Variants in SYNPO2 observed in about 807,000 individuals in gnomAD.
The protein encoded by SYNPO2 is synaptopodin 2.
A neutral mutation model predicts 85.0 loss-of-function variants in SYNPO2; 56 were observed. The ratio of observed to expected loss-of-function variants is 0.66; its 90% confidence interval spans 0.53 to 0.82. The LOEUF (loss-of-function observed/expected upper bound fraction) is 0.82. Ranked by LOEUF, SYNPO2 falls within the 40% of genes least tolerant of loss-of-function variation. The probability of loss-of-function intolerance (pLI) is 0.00; values close to 1 mark genes in which losing one functional copy is unlikely to be tolerated. For missense variants in SYNPO2, 1,575 were observed against 1,534.2 expected (o/e 1.03, Z -0.44); for synonymous variants, 602 against 591.1 (o/e 1.02, Z -0.27).
intron 1 of SYNPO2, among the ~76,000 whole-genome samples, chr4:119,008,521 GAT>G (rs1307643924): frequency 6.6e-6 from 1 of 151,396 alleles, no homozygotes; most frequent in Non-Finnish European, 1.5e-5. Flanking sequence ...CAGAAATTAT[GAT>G]ATGTTATTAT....
At position 119,057,894 on chromosome 4, in the gene SYNPO2, A is replaced by G. The variant is rs1394720498; in HGVS notation, c.3746A>G (p.Asn1249Ser). Residue 1249 changes from asparagine (N) to serine (S), a missense_variant, in exon 5 of 5, where the codon AAC (asparagine) becomes AGC (serine). Asn to Ser is a conservative substitution (Grantham distance 46). Around this residue, in one of 3 missense-constraint regions of SYNPO2, gnomAD observed 1,508 missense variants for 1,446.8 expected, o/e 1.04. Coordinates refer to ENST00000307142, the MANE Select transcript of SYNPO2 (RefSeq NM_133477.3). ...SDYCLPVADY[N>S]YNPHPRGWRR... The stretch of plus-strand genomic sequence containing the variant: ...TACTGTCTTCCAGTAGCTGATTACA[A>G]CTACAACCCACACCCAAGGGGATGG... 3 of 1,614,092 alleles carry G rather than the reference A, an allele frequency of 1.9e-6. No homozygotes were observed. The highest frequency in any genetic ancestry group is 4.5e-5 in the East Asian group (2 of 44,854).
At chr4:118,954,582 G>A (rs1734807301) in intron 1 of SYNPO2, among the ~76,000 whole-genome samples, 1 of 152,170 alleles carries the variant, frequency 6.6e-6, no homozygotes, top group African/African-American at 2.4e-5. Context: ...ATAAAACTGA[G>A]CCACAGGGGG....
In SYNPO2 at chr4:119,061,036, TTTG is replaced by T. The variant is rs1739396649; in HGVS notation, c.*3105_*3107del. 1 of 152,082 alleles carries T rather than the reference TTTG, an allele frequency of 6.6e-6. No individual in the cohort carries two copies. The highest frequency in any genetic ancestry group is 1.5e-5 in the Non-Finnish European group (1 of 67,998). The allele number at this position is 152,082 out of a possible 1,614,324, so 9.4% of individuals were successfully genotyped here. A position where few individuals can be genotyped will look rare whatever the true frequency, so the allele number is the denominator to read the frequency against. The stretch of plus-strand genomic sequence containing the variant: ...CAACTAGAGAGAAATTCCAGAAATA[TTTG>T]TTTTTTTAAGAGAAAGTAAATTTTC... On this transcript the variant is annotated 3_prime_UTR_variant, in exon 5 of 5. Coordinates refer to ENST00000307142, the MANE Select transcript of SYNPO2 (RefSeq NM_133477.3).
chr4:118,863,487 A>C (rs1731647876), intron 1 of SYNPO2, among the ~76,000 whole-genome samples: 1 of 152,134 alleles, frequency 6.6e-6, no homozygotes, highest in Admixed American at 6.5e-5. Context: ...GAATTTCTGC[A>C]GTATCATTTG....
chr4:118,972,946 A>T (rs1414974578), intron 1 of SYNPO2, among the ~76,000 whole-genome samples: 2 of 152,166 alleles, frequency 1.3e-5, no homozygotes, highest in African/African-American at 2.4e-5. Flanking sequence ...TTTTCTCCCC[A>T]TTCACACCAC....
chr4:119,029,711 C>G (rs183022898), intron 3 of SYNPO2, 134 bp from the exon 4 acceptor site: 25 of 828,088 alleles, frequency 3.0e-5, no homozygotes, highest in Non-Finnish European at 4.5e-5. Flanking sequence ...GTGTTGGATT[C>G]CTTCAAAATT....
Position 119,057,621 on chromosome 4 carries a change from C to T in SYNPO2, c.3473C>T (p.Ala1158Val), listed in dbSNP as rs199770076. The change falls in exon 5 of 5, where the codon GCA becomes GTA. Residue 1158 changes from alanine (A) to valine (V), a missense_variant. Around this residue, in one of 3 missense-constraint regions of SYNPO2, gnomAD observed 1,508 missense variants for 1,446.8 expected, o/e 1.04. Transcript: ENST00000307142. ...QPRNIQESIV[A>V]NVVSAARRKV... ...AGAAACATCCAGGAATCCATTGTGG[C>T]AAATGTGGTTTCAGCAGCTCGGAGG... 1.2e-4 allele frequency: 195 copies of T among 1,614,094 alleles called. No individual in the cohort carries two copies. The East Asian group carries it at 2.7e-3, about 23-fold the overall frequency.
At chr4:118,858,286 A>G (rs1239077208) in intron 1 of SYNPO2, among the ~76,000 whole-genome samples, 1 of 152,166 alleles carries the variant, frequency 6.6e-6, no homozygotes, top group Non-Finnish European at 1.5e-5. Context: ...TTTTCATTTA[A>G]GTTTTACTGT....
chr4:118,910,558 A>G (rs10015173), intron 1 of SYNPO2, among the ~76,000 whole-genome samples: 130,808 of 152,198 alleles, frequency 0.86, 56,280 homozygotes, highest in Middle Eastern at 0.95. Context: ...CTAATTGATA[A>G]GATAGACAGG....
chr4:118,925,940 A>G (rs562258871), intron 1 of SYNPO2, among the ~76,000 whole-genome samples: 2 of 152,176 alleles, frequency 1.3e-5, no homozygotes, highest in South Asian at 4.1e-4. Context: ...AAGAAGTACC[A>G]TGATTTTTGC....
At chr4:118,852,538 C>A (rs1046196820) in intron 1 of SYNPO2, among the ~76,000 whole-genome samples, 4 of 152,178 alleles carry the variant, frequency 2.6e-5, no homozygotes, top group Middle Eastern at 3.4e-3. Context: ...ACTATTGCAG[C>A]CATAAAAAAA....
chr4:118,925,249 G>T (rs1733673665), intron 1 of SYNPO2, among the ~76,000 whole-genome samples: 1 of 152,130 alleles, frequency 6.6e-6, no homozygotes, highest in African/African-American at 2.4e-5. Flanking sequence ...GAGAACCCAA[G>T]AAAATATAAT....
chr4:118,934,643 G>A (rs1734041232), intron 1 of SYNPO2, among the ~76,000 whole-genome samples: 1 of 152,196 alleles, frequency 6.6e-6, no homozygotes, highest in African/African-American at 2.4e-5. Context: ...TTTTAGAGTG[G>A]TGAGAATGGA....
At chr4:119,045,338 C>A (rs1420349650) in intron 4 of SYNPO2, among the ~76,000 whole-genome samples, 1 of 152,084 alleles carries the variant, frequency 6.6e-6, no homozygotes, top group Admixed American at 6.5e-5. Context: ...TCACTGGAAG[C>A]AACTTGAGAG....
At chr4:118,882,349 GACATT>G (rs1361375247) in intron 1 of SYNPO2, among the ~76,000 whole-genome samples, 2 of 152,064 alleles carry the variant, frequency 1.3e-5, no homozygotes, top group African/African-American at 4.8e-5. Context: ...GTAATTCATT[GACATT>G]ACATTTTTCC....
At chr4:119,015,090 C>T (rs1248903502) in intron 1 of SYNPO2, among the ~76,000 whole-genome samples, 2 of 152,118 alleles carry the variant, frequency 1.3e-5, no homozygotes, top group African/African-American at 4.8e-5. Context: ...AAAATGGAAG[C>T]ACCCTAATGT....
chr4:119,052,686 G>T (rs2149200976), intron 4 of SYNPO2, among the ~76,000 whole-genome samples: 1 of 152,276 alleles, frequency 6.6e-6, no homozygotes, highest in Middle Eastern at 3.4e-3. Context: ...CCCCAGCTGG[G>T]GAAGGAGAGG....
At chr4:119,039,291 C>A (rs1421575645) in intron 4 of SYNPO2, among the ~76,000 whole-genome samples, 1 of 152,124 alleles carries the variant, frequency 6.6e-6, no homozygotes, top group African/African-American at 2.4e-5. Flanking sequence ...CAGTCAAACT[C>A]TATGGCCATC....
chr4:119,037,366 G>A, intron 4 of SYNPO2: 1 of 1,239,478 alleles, frequency 8.1e-7, no homozygotes, highest in Non-Finnish European at 1.0e-6. Flanking sequence ...TCAAAAGTTT[G>A]TACTTGGCCC....
Sources: allele counts gnomAD v4.1 joint callset (sites outside exome capture counted in the v4.1 genomes callset), GRCh38; gene constraint gnomAD v4.1.1; regional missense constraint gnomAD v4.1.1; transcripts MANE v1.5; gene names NCBI Gene and HGNC (gene_info 2026-07-23, HGNC 2026-07-21).